IGFN1: variants seen among roughly 807,000 people sequenced by gnomAD.
The protein encoded by IGFN1 is immunoglobulin-like and fibronectin type III domain-containing protein 1.
IGFN1 carries 253 observed loss-of-function variants against 289.5 expected under a neutral mutation model. The ratio of observed to expected loss-of-function variants is 0.87; its 90% CI spans 0.79 to 0.97. The LOEUF is 0.97. Ranked by LOEUF, IGFN1 falls within the 50% of genes least tolerant of loss-of-function variation. IGFN1 has a pLI of 0.00. For missense variants in IGFN1, 4,470 were observed against 4,686.1 expected (o/e 0.95, Z 1.35); for synonymous variants, 1,706 against 1,788.5 (o/e 0.95, Z 1.16).
chr1:201,224,897 C>T, intron 21 of IGFN1, 23 bp downstream of exon 21: 1 of 1,586,220 alleles, frequency 6.3e-7, no homozygotes, highest in South Asian at 1.1e-5. Flanking sequence ...TTGCTCTGGG[C>T]TCTGGACGCT....
intron 19 of IGFN1, 87 bp downstream of exon 19, chr1:201,221,833 G>A: frequency 8.6e-7 from 1 of 1,168,208 alleles, no homozygotes; most frequent in South Asian, 1.6e-5. Context: ...CACTTACTAA[G>A]CCAGGATCCC....
chr1:201,193,376 G>A, intron 2 of IGFN1, 76 bp downstream of exon 2: 2 of 1,065,790 alleles, frequency 1.9e-6, no homozygotes, highest in Non-Finnish European at 1.4e-6. Flanking sequence ...AGAAGTGGTA[G>A]GGATCAGAGA....
rs1035999699 is a variant in IGFN1, at chr1:201,212,979, G to C, written c.8086G>C (p.Gly2696Arg). 6.4e-7 allele frequency: 1 copy of C among 1,551,444 alleles called. No homozygotes were observed. Among genetic ancestry groups the C allele is most frequent in the African/African-American group, 1.4e-5 (1 of 73,040 alleles). The change falls in exon 12 of 24, where the codon GGT becomes CGT. Residue 2696 changes from glycine (G) to arginine (R), a missense_variant. Around this residue, in one of 8 missense-constraint regions of IGFN1, gnomAD observed 2,218 missense variants for 2,114.1 expected, o/e 1.05. Transcript: ENST00000335211. ...CRSPWSLDSK[G>R]SSPGRGSSVD... ...AAGCCCATGGTCCCTGGATAGCAAA[G>C]GTTCAAGTCCTGGAAGGGGCAGTTC...
chr1:201,217,285 A>C lies in IGFN1; in HGVS notation c.9596-2A>C, dbSNP rs749743537. 6.2e-7 allele frequency: 1 copy of C among 1,612,488 alleles called. No homozygotes were observed. Among genetic ancestry groups the C allele is most frequent in the Non-Finnish European group, 8.5e-7 (1 of 1,179,406 alleles). ...GCTGACTGGAATCTTTCTTACCCCC[A>C]GCTCTCCCCAAGGCCCCTTCCGCGC... On this transcript the variant is annotated splice_acceptor_variant, in intron 16 of 23. Coordinates refer to ENST00000335211, the MANE Select transcript of IGFN1 (RefSeq NM_001164586.2). LOFTEE classifies it high-confidence loss of function.
At position 201,215,764 on chromosome 1, in the gene IGFN1, A is replaced by C. The variant is rs147537756; in HGVS notation, c.9221A>C (p.Asp3074Ala). Residue 3074 changes from aspartate (D) to alanine (A), a missense_variant, in exon 15 of 24, where the codon GAC becomes GCC. By Grantham distance (126) the Asp-to-Ala change is moderately radical. This residue lies in a region of IGFN1 where 2,218 missense variants were observed against 2,114.1 expected (regional missense o/e 1.05). Transcript: ENST00000335211. ...RLCLPSAGRK[D>A]CGQYSVTLRS... ...TGCCTCCCCAGCGCAGGCAGGAAGG[A>C]CTGTGGCCAGTACAGCGTGACACTG... is the stretch of plus-strand genomic sequence containing the variant. 4.4e-6 allele frequency: 7 copies of C among 1,607,108 alleles called. No individual in the cohort carries two copies. The African/African-American group carries it at 9.4e-5, about 21-fold the overall frequency.
Position 201,224,819 on chromosome 1 carries a change from G to C in IGFN1, c.10431G>C (p.Val3477=). 6.2e-7 allele frequency: 1 copy of C among 1,614,112 alleles called. No homozygotes were observed. Among genetic ancestry groups the C allele is most frequent in the African/African-American group, 1.3e-5 (1 of 75,054 alleles). Residue 3477 remains valine, a synonymous_variant, in exon 21 of 24, where the codon GTG becomes GTC. Coordinates refer to ENST00000335211, the MANE Select transcript of IGFN1 (RefSeq NM_001164586.2). ...GLSDSGLYTV[V]LRTLQGKEVA... ...CAGACAGTGGTCTCTACACTGTGGT[G>C]CTGAGGACCCTGCAGGGGAAGGAGG...
chr1:201,193,421 T>C, intron 2 of IGFN1, 121 bp downstream of exon 2: 4 of 682,136 alleles, frequency 5.9e-6, no homozygotes, highest in Non-Finnish European at 1.0e-5. Flanking sequence ...TGTTGTTTTT[T>C]TTCTCCTTAT....
At chr1:201,220,932 C>A (rs905191319) in intron 18 of IGFN1, among the ~76,000 whole-genome samples, 22 of 152,294 alleles carry the variant, frequency 1.4e-4, no homozygotes, top group Admixed American at 5.2e-4. Flanking sequence ...CCCTTTCACA[C>A]TCATTGTGCT....
chr1:201,219,654 C>G (rs540609197), intron 18 of IGFN1, among the ~76,000 whole-genome samples: 6 of 152,380 alleles, frequency 3.9e-5, no homozygotes, highest in African/African-American at 1.4e-4. Context: ...ATTTCTGGCA[C>G]TTGACGGATG....
At chr1:201,197,135 A>C in intron 4 of IGFN1, 83 bp from the exon 5 acceptor site, 1 of 809,654 alleles carries the variant, frequency 1.2e-6, no homozygotes. Flanking sequence ...TACTCACTTT[A>C]TACCCCCAAC....
intron 11 of IGFN1, 72 bp downstream of exon 11, chr1:201,205,426 C>T (rs1331151332): frequency 1.6e-5 from 22 of 1,409,324 alleles, no homozygotes; most frequent in Middle Eastern, 2.3e-4. Flanking sequence ...ATGAGGAAGG[C>T]GAGGCAGTGG....
Position 201,225,756 on chromosome 1 carries a change from T to TG in IGFN1, c.10487-66dup. On this transcript the variant is annotated intron_variant, in intron 21 of 23. Transcript: ENST00000335211. Reference sequence around the variant, plus strand: ...CAGGACCCTCAGAAGTCCTGGGACCTGGAGGGGGCTGGTAGCAGCCCTGCT... The same window carrying TG: ...CAGGACCCTCAGAAGTCCTGGGACCTGGGAGGGGGCTGGTAGCAGCCCTGCT... The TG allele has an allele frequency of 2.8e-6, 4 of 1,420,334 alleles. No homozygotes were observed. The South Asian group carries it at 5.5e-5, about 20-fold the overall frequency. The allele number at this position is 1,420,334 out of a possible 1,614,324, so 88.0% of individuals were successfully genotyped here.
chr1:201,192,715 C>T (rs1666711528), intron 1 of IGFN1, among the ~76,000 whole-genome samples: 1 of 152,164 alleles, frequency 6.6e-6, no homozygotes, highest in African/African-American at 2.4e-5. Flanking sequence ...CTTCAGTGTC[C>T]TGCCAGAAAA....
In IGFN1 at chr1:201,222,836, A is replaced by C. The variant is rs576971417; in HGVS notation, c.10290+9A>C. On this transcript the variant is annotated intron_variant, in intron 20 of 23. Transcript: ENST00000335211. ...TGCCCGTCTCCTTTGAAGTGAGTGT[A>C]CCTGCAGGGGTGTGGGGAGGGAAGC... 53 of 1,602,826 alleles carry C rather than the reference A, an allele frequency of 3.3e-5. No homozygotes were observed. The African/African-American group carries it at 6.4e-4, about 19-fold the overall frequency.
intron 23 of IGFN1, among the ~76,000 whole-genome samples, chr1:201,227,826 G>A (rs1235171281): frequency 2.6e-5 from 4 of 152,114 alleles, no homozygotes; most frequent in African/African-American, 4.8e-5. Flanking sequence ...GTGGGGCCAC[G>A]CTACACATTG....
chr1:201,194,301 G>A (rs1385784689), intron 3 of IGFN1, 28 bp downstream of exon 3: 1 of 1,549,798 alleles, frequency 6.5e-7, no homozygotes, highest in Admixed American at 2.0e-5. Flanking sequence ...CTGCGGAGGG[G>A]AGGCAAGATT....
chr1:201,198,301 A>G (rs1392330935), intron 5 of IGFN1, among the ~76,000 whole-genome samples: 1 of 152,002 alleles, frequency 6.6e-6, no homozygotes, highest in Non-Finnish European at 1.5e-5. Context: ...ATGCCTGGCT[A>G]ATTTTTGTAT....
At chr1:201,195,444 G>A (rs1050061762) in intron 3 of IGFN1, among the ~76,000 whole-genome samples, 6 of 152,140 alleles carry the variant, frequency 3.9e-5, no homozygotes, top group African/African-American at 1.4e-4. Flanking sequence ...GAGCCCCTGC[G>A]CCTGCCCGGA....
chr1:201,211,141 G>A lies in IGFN1; in HGVS notation c.6248G>A (p.Gly2083Glu), dbSNP rs61818163. 154,829 of 1,521,488 alleles carry A rather than the reference G, an allele frequency of 0.1. 8,772 individuals carry two copies. Among genetic ancestry groups the A allele is most frequent in the Non-Finnish European group, 0.11 (129,816 of 1,138,252 alleles). The allele number at this position is 1,521,488 out of a possible 1,614,324, so 94.2% of individuals were successfully genotyped here. The change falls in exon 12 of 24, where the codon GGG (glycine) becomes GAG (glutamate). Residue 2083 changes from glycine to glutamate, a missense_variant. Around this residue, in one of 8 missense-constraint regions of IGFN1, gnomAD observed 2,218 missense variants for 2,114.1 expected, o/e 1.05. Coordinates refer to ENST00000335211, the MANE Select transcript of IGFN1 (RefSeq NM_001164586.2). Reference protein sequence around the residue: ...DLGAPKGMGSGSKTGFRDGLG... With the variant: ...DLGAPKGMGSESKTGFRDGLG... ...GGGGCTCCTAAGGGAATGGGTTCAGGGAGTAAGACAGGTTTCAGGGATGGT... is the reference window on the plus strand; with the variant it reads ...GGGGCTCCTAAGGGAATGGGTTCAGAGAGTAAGACAGGTTTCAGGGATGGT...
Sources: gnomAD v4.1 joint callset for allele counts (sites outside exome capture counted in the v4.1 genomes callset) on GRCh38, gnomAD v4.1.1 for gene constraint, gnomAD v4.1.1 regional missense constraint, MANE v1.5 for transcripts, NCBI Gene and HGNC (gene_info 2026-07-23, HGNC 2026-07-21) for gene names.